TNPO1: variants seen among roughly 807,000 people sequenced by gnomAD.
The protein encoded by TNPO1 is transportin-1.
Under a neutral mutation model 119.5 loss-of-function variants are expected in TNPO1, and 8 were observed. That is an observed-to-expected ratio of 0.07 (90% CI 0.04 to 0.12). The LOEUF is 0.12. TNPO1 is among the 10% of genes least tolerant of loss of function. The pLI, the probability that TNPO1 is intolerant of heterozygous loss-of-function variation, is 1.00. For missense variants in TNPO1, 576 were observed against 1,089.8 expected, an observed-to-expected ratio of 0.53 and a Z score of 6.64; for synonymous variants, 362 against 363.0, an observed-to-expected ratio of 1.00 and a Z score of 0.03.
rs1327529874 is a variant in TNPO1, at chr5:72,868,449, A to AAAAAAC, written c.596+2725_596+2726insCAAAAA. On this transcript the variant is annotated intron_variant, in intron 6 of 24. Coordinates refer to ENST00000337273, the MANE Select transcript of TNPO1 (RefSeq NM_002270.4). ...TCCGTCTCAAAAAAAAAAAAAAAAA[A>AAAAAAC]AAAAAAAAAACACAAAATAATATAT... Among the ~76,000 whole-genome samples, 101 of 148,944 alleles carry AAAAAAC rather than the reference A, an allele frequency of 6.8e-4. 1 individual carries two copies. The highest frequency in any genetic ancestry group is 2.4e-3 in the African/African-American group (99 of 41,080).
chr5:72,891,855 A>G lies in TNPO1; in HGVS notation c.1747A>G (p.Met583Val), dbSNP rs1375924495. Reference sequence around the variant, plus strand: ...GCCTCCACTGATCCAGAAATGGAACATGTTAAAGGATGAAGATAAAGATCT... The same window carrying G: ...GCCTCCACTGATCCAGAAATGGAACGTGTTAAAGGATGAAGATAAAGATCT... ...LMPPLIQKWN[M>V]LKDEDKDLFP... The change falls in exon 15 of 25, where the codon ATG becomes GTG. Residue 583 changes from methionine (M) to valine (V), a missense_variant. By Grantham distance (21) the Met-to-Val change is conservative. Around this residue, in one of 6 missense-constraint regions of TNPO1, gnomAD observed 23 missense variants for 105.8 expected, o/e 0.22. Transcript: ENST00000337273. 6.8e-6 allele frequency: 11 copies of G among 1,611,482 alleles called. No homozygotes were observed. Among genetic ancestry groups the G allele is most frequent in the Non-Finnish European group, 5.9e-6 (7 of 1,178,876 alleles).
chr5:72,848,961 C>A (rs1745335169), intron 2 of TNPO1, among the ~76,000 whole-genome samples: 1 of 151,930 alleles, frequency 6.6e-6, no homozygotes, highest in African/African-American at 2.4e-5. Flanking sequence ...CGGAGCTCGC[C>A]GCCTGACTGG....
chr5:72,911,920 A>G lies in TNPO1; in HGVS notation c.*3247A>G, dbSNP rs1415797340. ...CTGCTGATCAACCTAAGTTGGAAAC[A>G]GAAAGTGTAATTAATATAACTTAAA... On this transcript the variant is annotated 3_prime_UTR_variant, in exon 25 of 25. Transcript: ENST00000337273. The G allele has an allele frequency of 2.6e-5, 4 of 152,512 alleles. No homozygotes were observed. The highest frequency in any genetic ancestry group is 1.3e-4 in the Admixed American group (2 of 15,276). 9.4% of individuals were successfully genotyped at this position (152,512 alleles called of 1,614,324 possible).
At chr5:72,892,711 CT>C (rs1299365845) in intron 15 of TNPO1, among the ~76,000 whole-genome samples, 1 of 152,044 alleles carries the variant, frequency 6.6e-6, no homozygotes, top group East Asian at 1.9e-4. Context: ...TTTCTAAATA[CT>C]TTTGATTCAA....
intron 6 of TNPO1, among the ~76,000 whole-genome samples, chr5:72,866,957 T>C (rs1016177951): frequency 6.6e-6 from 1 of 152,064 alleles, no homozygotes; most frequent in African/African-American, 2.4e-5. Context: ...GGAGGATTGC[T>C]TGAGGCCAGG....
intron 1 of TNPO1, among the ~76,000 whole-genome samples, chr5:72,828,611 G>C (rs1346756591): frequency 6.6e-6 from 1 of 152,070 alleles, no homozygotes; most frequent in Non-Finnish European, 1.5e-5. Context: ...TGCATATCCT[G>C]AGAGCCAGGA....
Position 72,872,716 on chromosome 5 carries a change from T to G in TNPO1, c.674T>G (p.Ile225Ser), listed in dbSNP as rs1274735766. 10 of 1,607,174 alleles carry G rather than the reference T, an allele frequency of 6.2e-6. No homozygotes were observed. The highest frequency in any genetic ancestry group is 8.5e-6 in the Non-Finnish European group (10 of 1,176,568). The change falls in exon 7 of 25, where the codon ATT becomes AGT. Residue 225 changes from isoleucine to serine, a missense_variant. Physicochemically the swap from Ile to Ser is moderately radical, Grantham distance 142. Transcript: ENST00000337273. ...QALMLHIDSFIENLFALAGDE... is the reference protein window; with the variant it reads ...QALMLHIDSFSENLFALAGDE... Reference sequence around the variant, plus strand: ...CTAATGTTGCACATTGATTCTTTTATTGAGGTAAGACTTGTTCTTGTCTCC... The same window carrying G: ...CTAATGTTGCACATTGATTCTTTTAGTGAGGTAAGACTTGTTCTTGTCTCC...
intron 11 of TNPO1, among the ~76,000 whole-genome samples, chr5:72,884,160 A>C (rs891691111): frequency 5.3e-5 from 8 of 152,194 alleles, no homozygotes; most frequent in Non-Finnish European, 1.0e-4. Context: ...TTCCAAAGTG[A>C]CTGCACCATT....
intron 5 of TNPO1, 23 bp downstream of exon 5, chr5:72,861,937 T>A: frequency 6.4e-7 from 1 of 1,555,806 alleles, no homozygotes; most frequent in Non-Finnish European, 8.9e-7. Context: ...GTTTCATACA[T>A]AATTGGGTGT....
chr5:72,875,886 T>C (rs1716690018), intron 8 of TNPO1, 149 bp downstream of exon 8: 1 of 1,012,202 alleles, frequency 9.9e-7, no homozygotes, highest in African/African-American at 1.6e-5. Context: ...AGTTTTGTAT[T>C]TCTGGGTATA....
intron 2 of TNPO1, among the ~76,000 whole-genome samples, chr5:72,850,001 C>CA (rs1216232884): frequency 2.6e-5 from 4 of 152,100 alleles, no homozygotes; most frequent in Admixed American, 2.0e-4. Flanking sequence ...GGCAAGTAGT[C>CA]AATTTACAGT....
intron 5 of TNPO1, among the ~76,000 whole-genome samples, 178 bp from the exon 6 acceptor site, chr5:72,865,418 A>AC (rs1746806726): frequency 1.3e-5 from 2 of 151,534 alleles, no homozygotes; most frequent in African/African-American, 4.9e-5. Context: ...AGCCTGGGCG[A>AC]CACACCAAGA....
intron 5 of TNPO1, among the ~76,000 whole-genome samples, chr5:72,863,360 T>A (rs1456756756): frequency 1.3e-5 from 2 of 152,266 alleles, no homozygotes; most frequent in East Asian, 3.9e-4. Context: ...CTCACACCTG[T>A]AATCCCAAGG....
intron 18 of TNPO1, among the ~76,000 whole-genome samples, chr5:72,894,995 C>T (rs1361402619): frequency 6.6e-6 from 1 of 152,210 alleles, no homozygotes; most frequent in Non-Finnish European, 1.5e-5. Flanking sequence ...CCAGCTTCAA[C>T]TGTCCAGTCC....
At chr5:72,860,381 A>G (rs1012624601) in intron 4 of TNPO1, among the ~76,000 whole-genome samples, 2 of 152,260 alleles carry the variant, frequency 1.3e-5, no homozygotes, top group African/African-American at 4.8e-5. Context: ...ATCCATAATC[A>G]CTAAGCATAT....
chr5:72,824,087 A>C (rs1744103038), intron 1 of TNPO1, among the ~76,000 whole-genome samples: 1 of 152,190 alleles, frequency 6.6e-6, no homozygotes, highest in African/African-American at 2.4e-5. Context: ...TGCTCAGTAC[A>C]TGGCTGTCTT....
chr5:72,875,426 A>G (rs1314794431), intron 7 of TNPO1, among the ~76,000 whole-genome samples, 189 bp from the exon 8 acceptor site: 1 of 152,236 alleles, frequency 6.6e-6, no homozygotes, highest in Non-Finnish European at 1.5e-5. Context: ...ATAGCTCTTC[A>G]TCTTTTATCA....
At chr5:72,882,816 A>G (rs1748345340) in intron 10 of TNPO1, among the ~76,000 whole-genome samples, 1 of 152,148 alleles carries the variant, frequency 6.6e-6, no homozygotes, top group African/African-American at 2.4e-5. Context: ...AACTTAGATT[A>G]TACCAGCCAG....
At chr5:72,830,982 C>T (rs1744430762) in intron 1 of TNPO1, among the ~76,000 whole-genome samples, 1 of 152,098 alleles carries the variant, frequency 6.6e-6, no homozygotes, top group Non-Finnish European at 1.5e-5. Context: ...GCTCGTTAGT[C>T]AAGATATTTG....
Sources: gnomAD v4.1 joint callset for allele counts (sites outside exome capture counted in the v4.1 genomes callset) on GRCh38, gnomAD v4.1.1 for gene constraint, gnomAD v4.1.1 regional missense constraint, MANE v1.5 for transcripts, NCBI Gene and HGNC (gene_info 2026-07-23, HGNC 2026-07-21) for gene names.